SPINK1: variants seen among roughly 807,000 people sequenced by gnomAD.
The protein encoded by SPINK1 is serine protease inhibitor Kazal-type 1.
In SPINK1, 5 loss-of-function variants were observed where a neutral mutation model predicts 9.5. That is an observed-to-expected ratio of 0.52 (90% CI 0.27 to 1.10). The LOEUF (loss-of-function observed/expected upper bound fraction) is 1.10. SPINK1 is among the 50% of genes least tolerant of loss of function. The pLI is 0.11. For synonymous variants in SPINK1, 37 were observed against 32.3 expected (o/e 1.14, Z -0.49); for missense variants, 88 against 92.7 (o/e 0.95, Z 0.21).
At position 147,829,610 on chromosome 5, in the gene SPINK1, G is replaced by A; in HGVS notation, c.76C>T (p.Leu26=). 1.9e-6 allele frequency: 3 copies of A among 1,612,636 alleles called. No homozygotes were observed. The highest frequency in any genetic ancestry group is 2.5e-6 in the Non-Finnish European group (3 of 1,179,094). Residue 26 remains leucine (L), a synonymous_variant, in exon 2 of 4, where the codon CTG becomes TTG. Coordinates refer to ENST00000296695, the MANE Select transcript of SPINK1 (RefSeq NM_001379610.1). ...AAATATCTCTTTACCTCTCTTCCCA[G>A]GGAGTCAGCTCCAGTGTTACCTAGA... ...SLSGNTGADS[L]GREAKCYNEL...
At chr5:147,837,444 C>T in the SPINK1 span, among the ~76,000 whole-genome samples, 212 of 152,204 alleles carry the variant, frequency 1.4e-3, 1 homozygote, top group African/African-American at 4.7e-3. Flanking sequence ...AGGATAATGC[C>T]TTTGCATAAG....
intron 3 of SPINK1, among the ~76,000 whole-genome samples, chr5:147,826,276 G>T (rs17703305): frequency 0.39 from 59,908 of 151,998 alleles, 12,131 homozygotes; most frequent in East Asian, 0.6. Flanking sequence ...ATAAGTTTGG[G>T]ACTTTTAATC....
chr5:147,834,923 A>AT (rs1023534093), upstream of SPINK1, among the ~76,000 whole-genome samples: 3 of 152,108 alleles, frequency 2.0e-5, no homozygotes, highest in Admixed American at 6.6e-5. Flanking sequence ...CTCTTGATAG[A>AT]TTTTTTTATT....
At chr5:147,831,693 G>A, upstream of SPINK1, 2 of 1,543,950 alleles carry the variant, frequency 1.3e-6, no homozygotes, top group Non-Finnish European at 1.7e-6. Flanking sequence ...CCCACCTACT[G>A]GGCTATATCA....
chr5:147,838,653 C>T, the SPINK1 span, among the ~76,000 whole-genome samples: 4 of 152,054 alleles, frequency 2.6e-5, no homozygotes, highest in Non-Finnish European at 2.9e-5. Context: ...TATTTTTTAA[C>T]AATTCTTCTT....
chr5:147,825,435 C>CTTTTTTCCT (rs1256599775), intron 3 of SPINK1, among the ~76,000 whole-genome samples: 24 of 107,532 alleles, frequency 2.2e-4, no homozygotes, highest in African/African-American at 6.5e-4. Flanking sequence ...TTTTTCTTTT[C>CTTTTTTCCT]TTTTTTTCTT....
intron 3 of SPINK1, among the ~76,000 whole-genome samples, chr5:147,825,410 C>T (rs1300497470): frequency 1.0e-4 from 15 of 150,018 alleles, no homozygotes; most frequent in Non-Finnish European, 1.6e-4. Flanking sequence ...CTTCCATATA[C>T]TTTTTTTTCT....
In SPINK1 at chr5:147,828,079, A is replaced by T. The variant is rs1379675813; in HGVS notation, c.137T>A (p.Val46Asp). The T allele has an allele frequency of 1.2e-6, 2 of 1,613,692 alleles. No homozygotes were observed. The highest frequency in any genetic ancestry group is 3.3e-5 in the Admixed American group (2 of 60,014). Reference protein sequence around the residue: ...LNGCTKIYDPVCGTDGNTYPN... With the variant: ...LNGCTKIYDPDCGTDGNTYPN... ...ATAAGTATTTCCATCAGTCCCACAG[A>T]CAGGGTCATATATCTTGGTGCATCC... Residue 46 changes from valine to aspartate, a missense_variant, in exon 3 of 4, where the codon GTC becomes GAC. Physicochemically the swap from Val to Asp is radical, Grantham distance 152. Transcript: ENST00000296695.
At position 147,828,624 on chromosome 5, in the gene SPINK1, T is replaced by C. The variant is rs145011863; in HGVS notation, c.88-496A>G. Among the ~76,000 whole-genome samples, 1,141 of 152,352 alleles carry C rather than the reference T, an allele frequency of 7.5e-3. 17 individuals are homozygous for C. Among genetic ancestry groups the C allele is most frequent in the African/African-American group, 0.027 (1,106 of 41,582 alleles). Reference sequence around the variant, plus strand: ...TTTGCATTCTACTCCAGTAAGAGTTTATAATCATCAAATGATTGTCATTGT... The same window carrying C: ...TTTGCATTCTACTCCAGTAAGAGTTCATAATCATCAAATGATTGTCATTGT... On this transcript the variant is annotated intron_variant, in intron 2 of 3. Transcript: ENST00000296695.
chr5:147,837,649 T>TTTCCTTTC, the SPINK1 span, among the ~76,000 whole-genome samples: 4 of 107,032 alleles, frequency 3.7e-5, no homozygotes, highest in Non-Finnish European at 5.6e-5. Flanking sequence ...CATTAACTTC[T>TTTCCTTTC]TTTCTTTCTT....
intron 3 of SPINK1, 62 bp from the exon 4 acceptor site, chr5:147,824,768 GGA>G: frequency 6.8e-7 from 1 of 1,477,956 alleles, no homozygotes; most frequent in Non-Finnish European, 9.4e-7. Context: ...AGTGACTATG[GGA>G]GAAAAACAGG....
rs1264692492 is a variant in SPINK1 at position 147,831,556 on chromosome 5, G to A, written c.22C>T (p.Leu8Phe). 1.9e-6 allele frequency: 3 copies of A among 1,613,700 alleles called. No individual in the cohort carries two copies. The highest frequency in any genetic ancestry group is 2.2e-5 in the South Asian group (2 of 91,076). The change falls in exon 1 of 4, where the codon CTT (leucine) becomes TTT (phenylalanine). Residue 8 changes from leucine to phenylalanine, a missense_variant. By Grantham distance (22) the Leu-to-Phe change is conservative (BLOSUM62 0). Coordinates refer to ENST00000296695, the MANE Select transcript of SPINK1 (RefSeq NM_001379610.1). MKVTGIFLLSALALLSLS... is the reference protein window; with the variant it reads MKVTGIFFLSALALLSLS... ...CTCAACAGGGCCAAGGCACTGAGAA[G>A]AAAGATGCCTGTTACCTTCATGGCT...
chr5:147,831,263 T>C (rs1486975663), intron 1 of SPINK1, among the ~76,000 whole-genome samples: 1 of 152,152 alleles, frequency 6.6e-6, no homozygotes, highest in Non-Finnish European at 1.5e-5. Context: ...CTCTACCATA[T>C]CCCAACAAAG....
rs764631330 is a variant in SPINK1, at chr5:147,831,486, C to G, written c.55+37G>C. The stretch of plus-strand genomic sequence containing the variant: ...TGCTTCACAAAGCAACAGGTCAAAA[C>G]AGTTTTATTTAAATTTGAAAAATAT... On this transcript the variant is annotated intron_variant, in intron 1 of 3. Coordinates refer to ENST00000296695, the MANE Select transcript of SPINK1 (RefSeq NM_001379610.1). The G allele has an allele frequency of 6.8e-6, 11 of 1,611,944 alleles. No individual in the cohort carries two copies. In the South Asian group the frequency reaches 1.2e-4, roughly 18 times the overall value.
chr5:147,835,873 C>G (rs1462383616), upstream of SPINK1, among the ~76,000 whole-genome samples: 2 of 152,068 alleles, frequency 1.3e-5, no homozygotes, highest in Admixed American at 1.3e-4. Flanking sequence ...TTTTATTTTT[C>G]ATTATTTAGG....
At position 147,829,584 on chromosome 5, in the gene SPINK1, C is replaced by T; in HGVS notation, c.87+15G>A. ...TTCCAGTCTGAGAAATAAGAAATTA[C>T]AAATATCTCTTTACCTCTCTTCCCA... is the stretch of plus-strand genomic sequence containing the variant. On this transcript the variant is annotated intron_variant, in intron 2 of 3. Coordinates refer to ENST00000296695, the MANE Select transcript of SPINK1 (RefSeq NM_001379610.1). The T allele has an allele frequency of 6.2e-7, 1 of 1,611,070 alleles. No individual in the cohort carries two copies. Among genetic ancestry groups the T allele is most frequent in the Non-Finnish European group, 8.5e-7 (1 of 1,177,840 alleles).
At chr5:147,834,778 G>A (rs1432563669), upstream of SPINK1, among the ~76,000 whole-genome samples, 1 of 152,072 alleles carries the variant, frequency 6.6e-6, no homozygotes, top group Non-Finnish European at 1.5e-5. Context: ...TCACCAAACA[G>A]TGCTTTTTAA....
intron 3 of SPINK1, chr5:147,827,702 T>C (rs1561605060): frequency 8.8e-6 from 2 of 227,048 alleles, no homozygotes; most frequent in Non-Finnish European, 1.7e-5. Flanking sequence ...CAATTTATAT[T>C]TGCATAACTG....
the SPINK1 span, among the ~76,000 whole-genome samples, chr5:147,838,228 T>C: frequency 6.6e-6 from 1 of 152,230 alleles, no homozygotes; most frequent in African/African-American, 2.4e-5. Flanking sequence ...GAAACGTGTT[T>C]ACTGGAAGAA....
Sources: allele counts gnomAD v4.1 joint callset (sites outside exome capture counted in the v4.1 genomes callset), GRCh38; gene constraint gnomAD v4.1.1; transcripts MANE v1.5; gene names NCBI Gene and HGNC (gene_info 2026-07-23, HGNC 2026-07-21).